The following DNAH6 variants were observed in gnomAD, a reference collection of about 807,000 sequenced individuals.
DNAH6 encodes the protein axonemal beta dynein heavy chain 6.
A neutral mutation model predicts 491.4 loss-of-function variants in DNAH6; 340 were observed. The ratio of observed to expected loss-of-function variants is 0.69; its 90% CI spans 0.63 to 0.76. The LOEUF is 0.76. DNAH6 is among the 30% of genes least tolerant of loss of function. The probability of loss-of-function intolerance (pLI) is 0.00; values close to 1 mark genes in which losing one functional copy is unlikely to be tolerated. For missense variants in DNAH6, 4,443 were observed against 4,972.2 expected (o/e 0.89, Z 3.20); for synonymous variants, 1,603 against 1,686.1 (o/e 0.95, Z 1.21).
chr2:84,740,774 C>T (rs1672452004), intron 62 of DNAH6, among the ~76,000 whole-genome samples: 1 of 152,192 alleles, frequency 6.6e-6, no homozygotes, highest in African/African-American at 2.4e-5. Context: ...GACTGAAAGT[C>T]TTGCCCTCTG....
intron 60 of DNAH6, among the ~76,000 whole-genome samples, chr2:84,724,141 C>G (rs1698414768): frequency 6.6e-6 from 1 of 152,198 alleles, no homozygotes; most frequent in African/African-American, 2.4e-5. Flanking sequence ...TGCTTATACC[C>G]TACCCATGAC....
At chr2:84,777,748 T>C in intron 64 of DNAH6, 2 of 877,964 alleles carry the variant, frequency 2.3e-6, no homozygotes, top group Non-Finnish European at 3.9e-6. Context: ...GGAATCGGGC[T>C]GAATCCAGAT....
At chr2:84,816,250 AT>A (rs1680476634) in intron 76 of DNAH6, among the ~76,000 whole-genome samples, 167 bp downstream of exon 76, 1 of 152,180 alleles carries the variant, frequency 6.6e-6, no homozygotes, top group Non-Finnish European at 1.5e-5. Context: ...TATAAATTCT[AT>A]TTGTTCTGAG....
Position 84,621,558 on chromosome 2 carries a change from T to C in DNAH6, c.4071+7T>C. The C allele has an allele frequency of 8.1e-4, 1,025 of 1,258,480 alleles. No homozygotes were observed. Among genetic ancestry groups the C allele is most frequent in the Non-Finnish European group, 1.0e-3 (930 of 885,980 alleles). 78.0% of individuals were successfully genotyped at this position (1,258,480 alleles called of 1,614,324 possible). On this transcript the variant is annotated splice_region_variant and intron_variant, in intron 26 of 76. Transcript: ENST00000389394. ...TGAAAAAGTAAATTTTGAGGTGAGATCTGTAACAAAGTGACATTGTTGTCC... is the reference window on the plus strand; with the variant it reads ...TGAAAAAGTAAATTTTGAGGTGAGACCTGTAACAAAGTGACATTGTTGTCC...
chr2:84,645,007 G>A (rs934943948), intron 33 of DNAH6, among the ~76,000 whole-genome samples: 1 of 152,186 alleles, frequency 6.6e-6, no homozygotes, highest in African/African-American at 2.4e-5. Context: ...GCTCTTTGGG[G>A]AATCACTAAA....
At chr2:84,636,820 A>C (rs72922745) in intron 30 of DNAH6, among the ~76,000 whole-genome samples, 1,705 of 151,990 alleles carry the variant, frequency 0.011, 31 homozygotes, top group African/African-American at 0.038. Flanking sequence ...CTTGAGCCTG[A>C]GATGTCAAGG....
At position 84,672,124 on chromosome 2, in the gene DNAH6, T is replaced by C. The variant is rs11895477; in HGVS notation, c.6455-203T>C. 0.071 allele frequency among the ~76,000 whole-genome samples: 10,734 copies of C among 152,190 alleles called. 1,255 individuals are homozygous for C. Among genetic ancestry groups the C allele is most frequent in the African/African-American group, 0.24 (10,133 of 41,476 alleles). On this transcript the variant is annotated intron_variant, in intron 39 of 76. Transcript: ENST00000389394. ...TAAGGGGCCACCTGGCATGACAACG[T>C]GGACGTCTTGACCAGGACCACATCT...
At chr2:84,579,823 TCA>T (rs1295198000) in intron 14 of DNAH6, 144 bp downstream of exon 14, 22 of 656,390 alleles carry the variant, frequency 3.4e-5, no homozygotes, top group Non-Finnish European at 5.2e-5. Context: ...ATGTTCTACA[TCA>T]CAGGAATAAA....
At chr2:84,669,544 C>A in intron 38 of DNAH6, 34 bp downstream of exon 38, 1 of 1,493,998 alleles carries the variant, frequency 6.7e-7, no homozygotes, top group Non-Finnish European at 9.1e-7. Context: ...AAGTCCTCTC[C>A]AAATGTGAGG....
At position 84,761,789 on chromosome 2, in the gene DNAH6, TACACACACAC is replaced by T. The variant is rs35707461; in HGVS notation, c.10513-942_10513-933del. Among the ~76,000 whole-genome samples, 7 of 141,784 alleles carry T rather than the reference TACACACACAC, an allele frequency of 4.9e-5. 1 individual carries two copies. In the South Asian group the frequency reaches 7.0e-4, roughly 14 times the overall value. 93.0% of individuals were successfully genotyped at this position (141,784 alleles called of 152,430 possible). A position where few individuals can be genotyped will look rare whatever the true frequency, so the allele number is the denominator to read the frequency against. Reference sequence around the variant, plus strand: ...ACAGCATTACATACACACACACACATACACACACACACACACACACACACACACACACAGA... The same window carrying T: ...ACAGCATTACATACACACACACACATACACACACACACACACACACACAGA... On this transcript the variant is annotated intron_variant, in intron 63 of 76. Transcript: ENST00000389394.
intron 63 of DNAH6, among the ~76,000 whole-genome samples, chr2:84,755,815 A>C (rs1420508888): frequency 6.6e-6 from 1 of 152,100 alleles, no homozygotes; most frequent in Non-Finnish European, 1.5e-5. Flanking sequence ...CTGTGTCCCC[A>C]CCCAAATCTC....
chr2:84,544,608 C>G (rs1204872440), intron 5 of DNAH6, 108 bp downstream of exon 5: 9 of 673,812 alleles, frequency 1.3e-5, no homozygotes, highest in Non-Finnish European at 2.1e-5. Flanking sequence ...ATTTTATATT[C>G]TTAAGAGAAT....
intron 35 of DNAH6, among the ~76,000 whole-genome samples, chr2:84,656,092 A>G (rs1303431943): frequency 6.6e-6 from 1 of 152,046 alleles, no homozygotes; most frequent in Non-Finnish European, 1.5e-5. Context: ...TCACTTGGTA[A>G]TATTCATTTA....
intron 26 of DNAH6, among the ~76,000 whole-genome samples, chr2:84,622,765 A>G (rs537938450): frequency 1.3e-4 from 20 of 152,186 alleles, no homozygotes; most frequent in African/African-American, 4.8e-4. Flanking sequence ...GTTTTCCATA[A>G]TGCCTGTACC....
intron 33 of DNAH6, among the ~76,000 whole-genome samples, chr2:84,652,813 C>A (rs1170053800): frequency 6.6e-6 from 1 of 151,896 alleles, no homozygotes; most frequent in African/African-American, 2.4e-5. Context: ...TTCCTTCTTG[C>A]ATGATGCTAA....
At chr2:84,689,819 G>C (rs895457455) in intron 45 of DNAH6, among the ~76,000 whole-genome samples, 1 of 152,182 alleles carries the variant, frequency 6.6e-6, no homozygotes, top group Non-Finnish European at 1.5e-5. Context: ...GTCAGTGAGT[G>C]GCAGGTGGGG....
chr2:84,761,006 A>T (rs1012300834), intron 63 of DNAH6, among the ~76,000 whole-genome samples: 1 of 152,236 alleles, frequency 6.6e-6, no homozygotes, highest in African/African-American at 2.4e-5. Context: ...TATCAAAAAG[A>T]TAATTGCACT....
Position 84,625,077 on chromosome 2 carries a change from A to G in DNAH6, c.4515+14A>G. 6.7e-7 allele frequency: 1 copy of G among 1,501,670 alleles called. No individual in the cohort carries two copies. The highest frequency in any genetic ancestry group is 1.4e-5 in the African/African-American group (1 of 71,076). The allele number at this position is 1,501,670 out of a possible 1,614,324, so 93.0% of individuals were successfully genotyped here. A position where few individuals can be genotyped will look rare whatever the true frequency, so the allele number is the denominator to read the frequency against. ...TTGGACTACAAGGTACAGTTCTTGC[A>G]TCTGAATATTAACATTAAGTGTTTT... On this transcript the variant is annotated intron_variant, in intron 29 of 76. Coordinates refer to ENST00000389394, the MANE Select transcript of DNAH6 (RefSeq NM_001370.2).
At chr2:84,500,416 T>G in the DNAH6 span, among the ~76,000 whole-genome samples, 169 of 152,358 alleles carry the variant, frequency 1.1e-3, no homozygotes, top group Admixed American at 8.0e-3. Context: ...AGTACCATGC[T>G]GTTATGGTTA....
Sources: gnomAD v4.1 joint callset for allele counts (sites outside exome capture counted in the v4.1 genomes callset) on GRCh38, gnomAD v4.1.1 for gene constraint, MANE v1.5 for transcripts, NCBI Gene and HGNC (gene_info 2026-07-23, HGNC 2026-07-21) for gene names.